ATP8A2: variants seen among roughly 807,000 people sequenced by gnomAD.
The protein encoded by ATP8A2 is phospholipid-transporting ATPase IB.
A neutral mutation model predicts 165.6 loss-of-function variants in ATP8A2; 100 were observed. The observed-to-expected ratio is 0.60, with a 90% CI of 0.51 to 0.71. The LOEUF is 0.71. Ranked by LOEUF, ATP8A2 falls within the 30% of genes least tolerant of loss-of-function variation. The probability of loss-of-function intolerance (pLI) is 0.00; values close to 1 mark genes in which losing one functional copy is unlikely to be tolerated. For synonymous variants in ATP8A2, 543 were observed against 548.8 expected, an observed-to-expected ratio of 0.99 and a Z score of 0.15; for missense variants, 1,227 against 1,479.5, an observed-to-expected ratio of 0.83 and a Z score of 2.80.
At chr13:25,717,436 A>AAAAAAC (rs1240323893) in intron 25 of ATP8A2, among the ~76,000 whole-genome samples, 1 of 150,528 alleles carries the variant, frequency 6.6e-6, no homozygotes, top group East Asian at 1.9e-4. Flanking sequence ...AAAAAAAAAA[A>AAAAAAC]CACCAAGGTA....
At chr13:25,768,430 C>A (rs1250759421) in intron 25 of ATP8A2, among the ~76,000 whole-genome samples, 3 of 152,104 alleles carry the variant, frequency 2.0e-5, no homozygotes, top group Non-Finnish European at 4.4e-5. Flanking sequence ...CATGGCTCAA[C>A]AAGGGGAGAC....
intron 1 of ATP8A2, among the ~76,000 whole-genome samples, chr13:25,386,158 C>T (rs1188915105): frequency 6.6e-6 from 1 of 152,076 alleles, no homozygotes; most frequent in Non-Finnish European, 1.5e-5. Flanking sequence ...TTAAGTAATC[C>T]ACCCACCTCA....
rs564937064 is a variant in ATP8A2 at position 25,881,155 on chromosome 13, C to T, written c.3183+18747C>T. ...GGGGGGCATTTTTTTTTCTCCCTGC[C>T]CTCCTTTTAATCCTTTTCCACACTT... On this transcript the variant is annotated intron_variant, in intron 33 of 36. Transcript: ENST00000381655. Among the ~76,000 whole-genome samples, 27 of 152,110 alleles carry T rather than the reference C, an allele frequency of 1.8e-4. No homozygotes were observed. In the South Asian group the frequency reaches 5.4e-3, roughly 30 times the overall value.
intron 27 of ATP8A2, among the ~76,000 whole-genome samples, chr13:25,818,821 G>A (rs971009910): frequency 1.3e-5 from 2 of 152,152 alleles, no homozygotes; most frequent in African/African-American, 4.8e-5. Context: ...CTAGGTGTAC[G>A]ATATTGAGTG....
chr13:25,809,542 A>G (rs890702821), intron 27 of ATP8A2, among the ~76,000 whole-genome samples: 1 of 151,860 alleles, frequency 6.6e-6, no homozygotes, highest in Non-Finnish European at 1.5e-5. Context: ...CACGCTCATA[A>G]TTCCTTATTA....
chr13:25,540,243 A>C (rs2038427852), intron 7 of ATP8A2, 76 bp from the exon 8 acceptor site: 1 of 1,093,628 alleles, frequency 9.1e-7, no homozygotes, highest in East Asian at 2.4e-5. Flanking sequence ...CACAGATTCC[A>C]TAATAGAGAT....
chr13:25,603,615 T>G (rs1480034225), intron 24 of ATP8A2, among the ~76,000 whole-genome samples: 1 of 151,644 alleles, frequency 6.6e-6, no homozygotes, highest in Admixed American at 6.6e-5. Flanking sequence ...ATGGGGGTGT[T>G]GGAGTGGAGG....
chr13:26,013,809 A>G (rs1448860382), intron 36 of ATP8A2, among the ~76,000 whole-genome samples: 3 of 152,204 alleles, frequency 2.0e-5, no homozygotes, highest in Non-Finnish European at 4.4e-5. Context: ...GACTTTCTCA[A>G]TGGAGAGAGA....
intron 33 of ATP8A2, among the ~76,000 whole-genome samples, chr13:25,872,275 G>T (rs971378828): frequency 2.6e-5 from 4 of 152,094 alleles, no homozygotes; most frequent in African/African-American, 7.2e-5. Flanking sequence ...CTCTTTTGCT[G>T]CTGGGTCTCT....
intron 27 of ATP8A2, among the ~76,000 whole-genome samples, chr13:25,789,940 T>C (rs1303997795): frequency 6.6e-6 from 1 of 152,108 alleles, no homozygotes; most frequent in East Asian, 1.9e-4. Context: ...CCTACAACCA[T>C]CTGATCTTCC....
intron 30 of ATP8A2, among the ~76,000 whole-genome samples, chr13:25,847,599 A>G (rs917835892): frequency 6.6e-6 from 1 of 152,194 alleles, no homozygotes; most frequent in East Asian, 1.9e-4. Context: ...TTGAATCAAG[A>G]TGGATTAGCC....
chr13:25,382,263 A>G (rs2032865728), intron 1 of ATP8A2, among the ~76,000 whole-genome samples: 1 of 152,162 alleles, frequency 6.6e-6, no homozygotes. Flanking sequence ...TCATGGCTTG[A>G]TAGCTCATTT....
chr13:25,738,342 C>CG, intron 25 of ATP8A2, among the ~76,000 whole-genome samples: 1 of 41,858 alleles, frequency 2.4e-5, no homozygotes, highest in East Asian at 8.8e-4. Context: ...TGCCCCCCTC[C>CG]CCCCCCCCCA....
intron 36 of ATP8A2, among the ~76,000 whole-genome samples, chr13:26,019,520 C>G (rs921942546): frequency 1.3e-5 from 2 of 152,234 alleles, no homozygotes; most frequent in Non-Finnish European, 2.9e-5. Flanking sequence ...CCTACAGCAT[C>G]AGGCAGACAG....
chr13:25,382,546 C>T (rs541456200), intron 1 of ATP8A2, among the ~76,000 whole-genome samples: 2 of 152,298 alleles, frequency 1.3e-5, no homozygotes, highest in African/African-American at 4.8e-5. Context: ...TTTGCATCCC[C>T]ACCAGCAATG....
At chr13:25,794,496 C>T (rs1200804841) in intron 27 of ATP8A2, among the ~76,000 whole-genome samples, 1 of 151,958 alleles carries the variant, frequency 6.6e-6, no homozygotes, top group Non-Finnish European at 1.5e-5. Context: ...ACTGTGGGGA[C>T]CAAAATTAGA....
intron 26 of ATP8A2, among the ~76,000 whole-genome samples, chr13:25,773,494 C>T (rs1427766734): frequency 6.6e-6 from 1 of 152,134 alleles, no homozygotes; most frequent in Non-Finnish European, 1.5e-5. Context: ...TGTCCAGAGA[C>T]CCCCTCCCCC....
At chr13:25,422,980 C>A (rs2138110137) in intron 1 of ATP8A2, among the ~76,000 whole-genome samples, 1 of 152,208 alleles carries the variant, frequency 6.6e-6, no homozygotes, top group Non-Finnish European at 1.5e-5. Flanking sequence ...TGACAGCCCT[C>A]TCTTCATGGC....
chr13:25,567,421 T>C, intron 16 of ATP8A2: 1 of 456,552 alleles, frequency 2.2e-6, no homozygotes. Context: ...TTTCTTCTTC[T>C]TTCCTTTCCT....
Sources: allele counts gnomAD v4.1 joint callset (sites outside exome capture counted in the v4.1 genomes callset), GRCh38; gene constraint gnomAD v4.1.1; transcripts MANE v1.5; gene names NCBI Gene and HGNC (gene_info 2026-07-23, HGNC 2026-07-21).